Variants in PTDSS1 observed in about 807,000 individuals in gnomAD.
The protein encoded by PTDSS1 is phosphatidylserine synthase 1, also known as PSS-1.
Under a neutral mutation model 70.5 loss-of-function variants are expected in PTDSS1, and 45 were observed. The observed-to-expected ratio is 0.64, with a 90% CI of 0.50 to 0.82. The LOEUF (loss-of-function observed/expected upper bound fraction) is 0.82, where lower values mean the gene tolerates loss of function less well. Ranked by LOEUF, PTDSS1 falls within the 40% of genes least tolerant of loss-of-function variation. The pLI, the probability that PTDSS1 is intolerant of heterozygous loss-of-function variation, is 0.00. For synonymous variants in PTDSS1, 188 were observed against 203.8 expected (o/e 0.92, Z 0.66); for missense variants, 417 against 586.1 (o/e 0.71, Z 2.98).
intron 7 of PTDSS1, among the ~76,000 whole-genome samples, chr8:96,304,775 A>T (rs138190880): frequency 7.2e-5 from 11 of 152,164 alleles, no homozygotes; most frequent in Admixed American, 1.3e-4. Flanking sequence ...AGAGACAGCA[A>T]TTTTTTCTGA....
At chr8:96,324,946 C>T (rs1038112160) in intron 10 of PTDSS1, among the ~76,000 whole-genome samples, 2 of 152,204 alleles carry the variant, frequency 1.3e-5, no homozygotes, top group East Asian at 1.9e-4. Flanking sequence ...TTGACCTCTG[C>T]TTCACTTGGT....
chr8:96,303,456 T>C (rs1373959821), intron 6 of PTDSS1, among the ~76,000 whole-genome samples: 2 of 152,192 alleles, frequency 1.3e-5, no homozygotes, highest in African/African-American at 4.8e-5. Context: ...TTAAAGACTC[T>C]TTACCAGTTA....
intron 9 of PTDSS1, among the ~76,000 whole-genome samples, chr8:96,312,820 A>G (rs1586203826): frequency 6.6e-6 from 1 of 151,892 alleles, no homozygotes; most frequent in South Asian, 2.1e-4. Context: ...TGCTCTCCTG[A>G]CCCCGGAGGC....
At chr8:96,317,678 T>G (rs1025233268) in intron 9 of PTDSS1, among the ~76,000 whole-genome samples, 2 of 152,034 alleles carry the variant, frequency 1.3e-5, no homozygotes, top group African/African-American at 4.8e-5. Flanking sequence ...GAGGTTGCCA[T>G]GAGCCAAGAT....
At chr8:96,273,627 C>T (rs1311204091) in intron 2 of PTDSS1, among the ~76,000 whole-genome samples, 1 of 152,100 alleles carries the variant, frequency 6.6e-6, no homozygotes. Flanking sequence ...CAGACAGGTA[C>T]GGTTGTGAGG....
chr8:96,317,909 G>GTGTA (rs71267240), intron 9 of PTDSS1, among the ~76,000 whole-genome samples: 45,148 of 116,844 alleles, frequency 0.39, 7,499 homozygotes, highest in East Asian at 0.54. Flanking sequence ...GTGTGTGTGT[G>GTGTA]TGTGTGTGTG....
At chr8:96,273,853 A>G (rs1052664133) in intron 2 of PTDSS1, among the ~76,000 whole-genome samples, 1 of 152,222 alleles carries the variant, frequency 6.6e-6, no homozygotes, top group Non-Finnish European at 1.5e-5. Context: ...TTATCACCAT[A>G]AACTTTGCTG....
intron 7 of PTDSS1, among the ~76,000 whole-genome samples, chr8:96,304,705 C>T (rs939392675): frequency 6.6e-6 from 1 of 152,182 alleles, no homozygotes; most frequent in African/African-American, 2.4e-5. Flanking sequence ...CACTTCACGA[C>T]GGAAGTGATT....
At chr8:96,306,259 G>A (rs909792517) in intron 7 of PTDSS1, among the ~76,000 whole-genome samples, 185 bp from the exon 8 acceptor site, 3 of 152,172 alleles carry the variant, frequency 2.0e-5, no homozygotes, top group Non-Finnish European at 2.9e-5. Flanking sequence ...GCCTCCAGTT[G>A]CTCCCTGCCC....
chr8:96,287,212 G>A lies in PTDSS1; in HGVS notation c.441+66G>A. On this transcript the variant is annotated intron_variant, in intron 4 of 12. Coordinates refer to ENST00000517309, the MANE Select transcript of PTDSS1 (RefSeq NM_014754.3). Reference sequence around the variant, plus strand: ...TCTTTCTTGGGTGTAAGAGGTAATAGACTTGACATTTTAAATTGTTCCTTC... The same window carrying A: ...TCTTTCTTGGGTGTAAGAGGTAATAAACTTGACATTTTAAATTGTTCCTTC... The A allele has an allele frequency of 2.6e-6, 4 of 1,555,774 alleles. No homozygotes were observed. The Admixed American group carries it at 7.3e-5, about 29-fold the overall frequency.
intron 9 of PTDSS1, among the ~76,000 whole-genome samples, chr8:96,314,512 G>A (rs900380709): frequency 2.0e-5 from 3 of 152,042 alleles, no homozygotes; most frequent in Non-Finnish European, 2.9e-5. Context: ...CCTTCTCCTC[G>A]TGACTGTGTC....
intron 4 of PTDSS1, among the ~76,000 whole-genome samples, chr8:96,293,818 A>C (rs541631434): frequency 1.3e-5 from 2 of 152,340 alleles, no homozygotes; most frequent in African/African-American, 4.8e-5. Flanking sequence ...TGTATTCCAG[A>C]GTAAAGAAGA....
At chr8:96,270,665 G>A (rs1237259504) in intron 1 of PTDSS1, among the ~76,000 whole-genome samples, 1 of 152,168 alleles carries the variant, frequency 6.6e-6, no homozygotes, top group East Asian at 1.9e-4. Flanking sequence ...TTTGATTGCA[G>A]AAGTTTGATC....
intron 9 of PTDSS1, among the ~76,000 whole-genome samples, chr8:96,312,808 C>G (rs1392508005): frequency 1.3e-5 from 2 of 152,222 alleles, no homozygotes; most frequent in Non-Finnish European, 2.9e-5. Flanking sequence ...GCCACAGCCT[C>G]CTGCTCTCCT....
In PTDSS1 at chr8:96,262,099, A is replaced by G. The variant is rs1563555915; in HGVS notation, c.59A>G (p.His20Arg). 4 of 1,613,826 alleles carry G rather than the reference A, an allele frequency of 2.5e-6. No individual in the cohort carries two copies. In the East Asian group the frequency reaches 8.9e-5, roughly 36 times the overall value. Residue 20 changes from histidine to arginine, a missense_variant, in exon 1 of 13, where the codon CAT becomes CGT. Around this residue, in one of 3 missense-constraint regions of PTDSS1, gnomAD observed 38 missense variants for 34.3 expected, o/e 1.11. Coordinates refer to ENST00000517309, the MANE Select transcript of PTDSS1 (RefSeq NM_014754.3). This position sits in a 1 kb window ranked among gnomAD's most constrained non-coding sequence, Gnocchi z 4.4. ...LSKDDVNYKM[H>R]FRMINEQQVE... ...AAGGATGATGTGAACTACAAAATGC[A>G]TTTCCGGATGATCAACGAGCAGCAA...
At chr8:96,325,048 G>A (rs561782348) in intron 10 of PTDSS1, among the ~76,000 whole-genome samples, 2 of 152,300 alleles carry the variant, frequency 1.3e-5, no homozygotes, top group Admixed American at 6.5e-5. Context: ...ATAGATGACG[G>A]TGATAAGATT....
chr8:96,308,302 A>G (rs559195790), intron 8 of PTDSS1, among the ~76,000 whole-genome samples: 2 of 152,374 alleles, frequency 1.3e-5, no homozygotes, highest in African/African-American at 2.4e-5. Context: ...GTGTTAGGTC[A>G]TGACAATATG....
chr8:96,272,319 A>G (rs1183058239), intron 1 of PTDSS1, among the ~76,000 whole-genome samples: 5 of 151,974 alleles, frequency 3.3e-5, no homozygotes, highest in Non-Finnish European at 5.9e-5. Flanking sequence ...TTGAATCTTT[A>G]ATTTTAATTT....
chr8:96,306,591 C>T lies in PTDSS1; in HGVS notation c.1007+35C>T, dbSNP rs764205004. On this transcript the variant is annotated intron_variant, in intron 8 of 12. Transcript: ENST00000517309. ...CACAAGCCTGACTGTCATATGAGAACATTAACTTGCTTTAGATTGTCCTGT... is the reference window on the plus strand; with the variant it reads ...CACAAGCCTGACTGTCATATGAGAATATTAACTTGCTTTAGATTGTCCTGT... 5 of 1,483,664 alleles carry T rather than the reference C, an allele frequency of 3.4e-6. No individual in the cohort carries two copies. The South Asian group carries it at 4.6e-5, about 14-fold the overall frequency. 91.9% of individuals were successfully genotyped at this position (1,483,664 alleles called of 1,614,324 possible).
Sources: gnomAD v4.1 joint callset for allele counts (sites outside exome capture counted in the v4.1 genomes callset) on GRCh38, gnomAD v4.1.1 for gene constraint, gnomAD v4.1.1 regional missense constraint, Gnocchi (gnomAD v3.1) non-coding constraint, MANE v1.5 for transcripts, NCBI Gene and HGNC (gene_info 2026-07-23, HGNC 2026-07-21) for gene names.